Variants in UTP20 observed in about 807,000 individuals in gnomAD.
UTP20 encodes the protein UTP20 small subunit processome component.
UTP20 carries 164 observed loss-of-function variants against 329.5 expected under a neutral mutation model. The observed-to-expected ratio is 0.50, with a 90% CI of 0.44 to 0.57. The LOEUF (loss-of-function observed/expected upper bound fraction) is 0.57. UTP20 is among the 20% of genes least tolerant of loss of function. The pLI, the probability that UTP20 is intolerant of heterozygous loss-of-function variation, is 0.00. For synonymous variants in UTP20, 1,151 were observed against 1,159.3 expected (o/e 0.99, Z 0.14); for missense variants, 3,055 against 3,284.2 (o/e 0.93, Z 1.71).
intron 23 of UTP20, 76 bp downstream of exon 23, chr12:101,319,711 G>C (rs962763659): frequency 7.8e-5 from 97 of 1,245,898 alleles, no homozygotes; most frequent in Non-Finnish European, 1.0e-4. Context: ...GAGTAGCTTA[G>C]ATTTTCAATA....
chr12:101,386,126 T>G lies in UTP20; in HGVS notation c.*3T>G. 6.2e-7 allele frequency: 1 copy of G among 1,603,368 alleles called. No homozygotes were observed. The highest frequency in any genetic ancestry group is 8.5e-7 in the Non-Finnish European group (1 of 1,177,936). Reference sequence around the variant, plus strand: ...AAGATTTAGCAATGGTGGAGTAATGTCTCCCTGTGCTGATACAAGCATGAA... The same window carrying G: ...AAGATTTAGCAATGGTGGAGTAATGGCTCCCTGTGCTGATACAAGCATGAA... On this transcript the variant is annotated 3_prime_UTR_variant, in exon 62 of 62. Transcript: ENST00000261637.
chr12:101,356,723 T>G (rs1243149822), intron 42 of UTP20, 30 bp downstream of exon 42: 2 of 1,584,202 alleles, frequency 1.3e-6, no homozygotes, highest in Admixed American at 3.8e-5. Context: ...AGAAGTTTAG[T>G]GAAACTCAAA....
chr12:101,333,503 T>C (rs1868830326), intron 28 of UTP20, 59 bp downstream of exon 28: 2 of 1,576,622 alleles, frequency 1.3e-6, no homozygotes, highest in Non-Finnish European at 1.7e-6. Flanking sequence ...TATTACTAAC[T>C]CACCAACATA....
Position 101,383,372 on chromosome 12 carries a change from T to A in UTP20, c.7929+59T>A, listed in dbSNP as rs186575686. The A allele has an allele frequency of 9.1e-5, 137 of 1,508,186 alleles. No individual in the cohort carries two copies. In the East Asian group the frequency reaches 2.4e-3, roughly 27 times the overall value. 93.4% of individuals were successfully genotyped at this position (1,508,186 alleles called of 1,614,324 possible). On this transcript the variant is annotated intron_variant, in intron 59 of 61. Coordinates refer to ENST00000261637, the MANE Select transcript of UTP20 (RefSeq NM_014503.3). ...CATTTCTCTTTAAAAAGTATTTTAATGATATTAGTGATCCTCCTAAGTCCC... is the reference window on the plus strand; with the variant it reads ...CATTTCTCTTTAAAAAGTATTTTAAAGATATTAGTGATCCTCCTAAGTCCC...
In UTP20 at chr12:101,355,954, G is replaced by A. The variant is rs554827395; in HGVS notation, c.5395-600G>A. ...ATACTTGACAGCAGTCTTAACCCACGTTGGTGAAAATCTGGCTTTATTTTT... is the reference window on the plus strand; with the variant it reads ...ATACTTGACAGCAGTCTTAACCCACATTGGTGAAAATCTGGCTTTATTTTT... On this transcript the variant is annotated intron_variant, in intron 41 of 61. Transcript: ENST00000261637. Among the ~76,000 whole-genome samples the A allele has an allele frequency of 2.3e-3, 356 of 152,094 alleles. 1 individual carries two copies. The highest frequency in any genetic ancestry group is 8.0e-3 in the African/African-American group (330 of 41,496).
intron 55 of UTP20, among the ~76,000 whole-genome samples, chr12:101,375,146 A>G (rs1236907514): frequency 6.6e-6 from 1 of 152,084 alleles, no homozygotes; most frequent in Admixed American, 6.6e-5. Flanking sequence ...TTTTAAAATG[A>G]GCATTATAGC....
At chr12:101,352,411 AC>A (rs1869560028) in intron 39 of UTP20, among the ~76,000 whole-genome samples, 2 of 152,174 alleles carry the variant, frequency 1.3e-5, no homozygotes, top group African/African-American at 4.8e-5. Context: ...TTGGGTATAT[AC>A]CCAGTAATGG....
At chr12:101,338,717 T>G in intron 30 of UTP20, 96 bp from the exon 31 acceptor site, 1 of 1,016,320 alleles carries the variant, frequency 9.8e-7, no homozygotes, top group East Asian at 2.8e-5. Flanking sequence ...TAAATGTTCA[T>G]AGTGGTTGAG....
rs1363457079 is a variant in UTP20 at position 101,338,184 on chromosome 12, C to T, written c.3775C>T (p.Leu1259Phe). 1 of 1,613,994 alleles carries T rather than the reference C, an allele frequency of 6.2e-7. No individual in the cohort carries two copies. Among genetic ancestry groups the T allele is most frequent in the Non-Finnish European group, 8.5e-7 (1 of 1,180,012 alleles). The change falls in exon 30 of 62, where the codon CTT (leucine) becomes TTT (phenylalanine). Residue 1259 changes from leucine (L) to phenylalanine (F), a missense_variant. By Grantham distance (22) the Leu-to-Phe change is conservative. Around this residue, in one of 3 missense-constraint regions of UTP20, gnomAD observed 2,445 missense variants for 2,575.5 expected, o/e 0.95. Coordinates refer to ENST00000261637, the MANE Select transcript of UTP20 (RefSeq NM_014503.3). ...TATTGTAATGGACATAGTTGATGACCTTCTTAACCTTCCAGATTTCGAGCC... is the reference window on the plus strand; with the variant it reads ...TATTGTAATGGACATAGTTGATGACTTTCTTAACCTTCCAGATTTCGAGCC... ...ASIVMDIVDD[L>F]LNLPDFEPTE...
chr12:101,352,258 C>T, intron 39 of UTP20, 64 bp downstream of exon 39: 1 of 1,524,348 alleles, frequency 6.6e-7, no homozygotes, highest in Non-Finnish European at 8.9e-7. Flanking sequence ...CATAGTATTC[C>T]ATGGTATATA....
Position 101,306,040 on chromosome 12 carries a change from C to A in UTP20, c.1907C>A (p.Ala636Glu). 6.2e-7 allele frequency: 1 copy of A among 1,613,062 alleles called. No homozygotes were observed. The change falls in exon 16 of 62, where the codon GCA becomes GAA. Residue 636 changes from alanine to glutamate, a missense_variant. This residue lies in a region of UTP20 where 2,445 missense variants were observed against 2,575.5 expected (regional missense o/e 0.95). Transcript: ENST00000261637. ...ALMELFPKLQ[A>E]NISTGVSKIR... ...ATGGAATTATTTCCCAAGTTACAAG[C>A]AAACATTTCAACTGGTGTATCCAAG...
chr12:101,356,791 C>T, intron 42 of UTP20, 98 bp downstream of exon 42: 1 of 1,490,242 alleles, frequency 6.7e-7, no homozygotes. Context: ...GGAAAAAGTA[C>T]TGTCATAACT....
intron 56 of UTP20, among the ~76,000 whole-genome samples, chr12:101,377,833 A>G (rs1870525538): frequency 6.6e-6 from 1 of 152,142 alleles, no homozygotes; most frequent in African/African-American, 2.4e-5. Flanking sequence ...TTATATGTTT[A>G]AGTCCTTTAC....
chr12:101,336,133 A>G (rs1199436740), intron 29 of UTP20, among the ~76,000 whole-genome samples: 2 of 152,182 alleles, frequency 1.3e-5, no homozygotes, highest in Admixed American at 6.5e-5. Context: ...TAGGCAGCAG[A>G]ACCTTTTTTT....
At chr12:101,300,128 A>T (rs1293980939) in intron 14 of UTP20, 67 bp downstream of exon 14, 3 of 1,424,058 alleles carry the variant, frequency 2.1e-6, no homozygotes, top group Admixed American at 1.7e-5. Context: ...TTGTAAACAC[A>T]TGAGCTATTA....
intron 46 of UTP20, among the ~76,000 whole-genome samples, chr12:101,366,041 GCCAA>G (rs766580137): frequency 2.6e-5 from 4 of 152,126 alleles, no homozygotes; most frequent in Non-Finnish European, 5.9e-5. Context: ...GACCAGCCTG[GCCAA>G]CTTGGTGAAA....
intron 4 of UTP20, 26 bp downstream of exon 4, chr12:101,285,907 C>T: frequency 6.2e-7 from 1 of 1,609,664 alleles, no homozygotes; most frequent in Non-Finnish European, 8.5e-7. Context: ...AGAGAAAGCT[C>T]ACAACTATAT....
chr12:101,291,976 T>G lies in UTP20; in HGVS notation c.1045T>G (p.Ser349Ala), dbSNP rs764123747. ...TTGTTTTTTCTTTTTGCAGGTGTTA[T>G]CTCAAACACTGCAAGTAGCCAGTCT... ...PTPADVCKVL[S>A]QTLQVASLST... The change falls in exon 10 of 62, where the codon TCT becomes GCT. Residue 349 changes from serine (S) to alanine (A), a missense_variant. Physicochemically the swap from Ser to Ala is moderately conservative, Grantham distance 99 (BLOSUM62 1). Coordinates refer to ENST00000261637, the MANE Select transcript of UTP20 (RefSeq NM_014503.3). 1.2e-6 allele frequency: 2 copies of G among 1,612,568 alleles called. No homozygotes were observed. The highest frequency in any genetic ancestry group is 1.7e-5 in the Admixed American group (1 of 59,734).
At chr12:101,350,277 C>CT (rs977031029) in intron 38 of UTP20, among the ~76,000 whole-genome samples, 44 of 152,240 alleles carry the variant, frequency 2.9e-4, no homozygotes, top group African/African-American at 1.0e-3. Context: ...AACGATCCTC[C>CT]TACCTCTGCC....
Sources: gnomAD v4.1 joint callset for allele counts (sites outside exome capture counted in the v4.1 genomes callset) on GRCh38, gnomAD v4.1.1 for gene constraint, gnomAD v4.1.1 regional missense constraint, MANE v1.5 for transcripts, NCBI Gene and HGNC (gene_info 2026-07-23, HGNC 2026-07-21) for gene names.